Variants in PRDM16 observed in about 807,000 individuals in gnomAD.
PRDM16 encodes PR/SET domain 16.
Under a neutral mutation model 110.6 loss-of-function variants are expected in PRDM16, and 23 were observed. That is an observed-to-expected ratio of 0.21 (90% CI 0.15 to 0.29). PRDM16 has a LOEUF of 0.29. PRDM16 is among the 10% of genes least tolerant of loss of function. The probability of loss-of-function intolerance (pLI) is 1.00; values close to 1 mark genes in which losing one functional copy is unlikely to be tolerated. For missense variants in PRDM16, 1,615 were observed against 1,794.3 expected (o/e 0.90, Z 1.81); for synonymous variants, 799 against 781.8 (o/e 1.02, Z -0.37).
chr1:3,313,615 C>T (rs900778799), intron 3 of PRDM16, among the ~76,000 whole-genome samples: 7 of 152,246 alleles, frequency 4.6e-5, no homozygotes, highest in African/African-American at 7.2e-5. Flanking sequence ...CCCTCACCTG[C>T]GCCTGCGAGG....
At chr1:3,087,175 C>T (rs1570226913) in intron 1 of PRDM16, among the ~76,000 whole-genome samples, 1 of 148,408 alleles carries the variant, frequency 6.7e-6, no homozygotes, top group Non-Finnish European at 1.5e-5. Context: ...TGGTCAGCCC[C>T]ACCCGAGACC....
intron 1 of PRDM16, among the ~76,000 whole-genome samples, chr1:3,130,463 CAT>C (rs1349812441): frequency 6.6e-6 from 1 of 152,182 alleles, no homozygotes; most frequent in African/African-American, 2.4e-5. Flanking sequence ...GCTTTGGAAA[CAT>C]GTGGAGACCT....
intron 6 of PRDM16, 143 bp from the exon 7 acceptor site, chr1:3,404,596 G>A (rs1643528017): frequency 3.0e-6 from 3 of 1,003,406 alleles, no homozygotes; most frequent in Non-Finnish European, 1.4e-6. Flanking sequence ...AGGTGGGCAG[G>A]GAGACACCAG....
chr1:3,181,119 CACACGCAGTCTT>C lies in PRDM16; in HGVS notation c.38-4999_38-4988del, dbSNP rs1164906858. ...ACACGCAGTCTTACACGCGGCCTTA[CACACGCAGTCTT>C]ACACGCGGTCTTACACACGCAGTCT... On this transcript the variant is annotated intron_variant, in intron 1 of 16. Coordinates refer to ENST00000270722, the MANE Select transcript of PRDM16 (RefSeq NM_022114.4). Among the ~76,000 whole-genome samples, 39 of 138,332 alleles carry C rather than the reference CACACGCAGTCTT, an allele frequency of 2.8e-4. 2 individuals carry two copies. The East Asian group carries it at 3.7e-3, about 13-fold the overall frequency. 90.8% of individuals were successfully genotyped at this position (138,332 alleles called of 152,430 possible).
intron 1 of PRDM16, among the ~76,000 whole-genome samples, chr1:3,090,669 G>T (rs1384918981): frequency 6.6e-6 from 1 of 152,252 alleles, no homozygotes; most frequent in Non-Finnish European, 1.5e-5. Flanking sequence ...CTACTCCCCA[G>T]TCTGACACCA....
At chr1:3,174,140 C>T (rs888335871) in intron 1 of PRDM16, among the ~76,000 whole-genome samples, 15 of 152,178 alleles carry the variant, frequency 9.9e-5, no homozygotes, top group African/African-American at 3.6e-4. Flanking sequence ...AGTCCCCGCT[C>T]ACCTCTCCCA....
chr1:3,358,082 G>T lies in PRDM16; in HGVS notation c.439-27070G>T, dbSNP rs1296386709. 1.3e-5 allele frequency among the ~76,000 whole-genome samples: 2 copies of T among 152,238 alleles called. No homozygotes were observed. The highest frequency in any genetic ancestry group is 4.8e-5 in the African/African-American group (2 of 41,464). ...CCCTGGCTAACGGCGGTGCCCAGTG[G>T]CCTGGCCTCACGCGTGGGTCCATCC... On this transcript the variant is annotated intron_variant, in intron 3 of 16. Transcript: ENST00000270722. The surrounding 1 kb of genome is among the most constrained non-coding windows in gnomAD (Gnocchi z 4.0).
intron 3 of PRDM16, among the ~76,000 whole-genome samples, chr1:3,334,365 G>A (rs1475201865): frequency 6.6e-6 from 1 of 152,184 alleles, no homozygotes; most frequent in African/African-American, 2.4e-5. Context: ...AAAGGCCAGG[G>A]GGAGATGGCG....
intron 1 of PRDM16, among the ~76,000 whole-genome samples, chr1:3,106,488 C>T (rs1642658339): frequency 2.6e-5 from 4 of 152,206 alleles, no homozygotes; most frequent in Admixed American, 2.6e-4. Flanking sequence ...CTGGCTCACA[C>T]ACAGCGGGTA....
At chr1:3,389,618 T>C (rs1196879790) in intron 4 of PRDM16, among the ~76,000 whole-genome samples, 1 of 152,198 alleles carries the variant, frequency 6.6e-6, no homozygotes, top group East Asian at 1.9e-4. Flanking sequence ...CCGGCCCTGT[T>C]GCCCAAAAGG....
intron 3 of PRDM16, among the ~76,000 whole-genome samples, chr1:3,356,601 T>G (rs1446708127): frequency 6.6e-6 from 1 of 152,212 alleles, no homozygotes; most frequent in African/African-American, 2.4e-5. Context: ...GCGTTTGCTG[T>G]GTCTGGACGC....
chr1:3,132,685 C>T (rs1436585883), intron 1 of PRDM16, among the ~76,000 whole-genome samples: 4 of 152,252 alleles, frequency 2.6e-5, no homozygotes, highest in Admixed American at 2.0e-4. Flanking sequence ...GAAGTCAACA[C>T]CTCTGCCTCC....
rs1461879877 is a variant in PRDM16, at chr1:3,434,741, G to C, written c.*930G>C. 3 of 232,524 alleles carry C rather than the reference G, an allele frequency of 1.3e-5. No individual in the cohort carries two copies. In the East Asian group the frequency reaches 1.8e-4, roughly 14 times the overall value. 14.4% of individuals were successfully genotyped at this position (232,524 alleles called of 1,614,324 possible). On this transcript the variant is annotated 3_prime_UTR_variant, in exon 17 of 17. Coordinates refer to ENST00000270722, the MANE Select transcript of PRDM16 (RefSeq NM_022114.4). ...TGGGGAAGTCGAGGGCCTGTGGCTT[G>C]GATCCGCCATGCAGAGATGTGGCCG...
chr1:3,272,818 C>G (rs1640488596), intron 3 of PRDM16, among the ~76,000 whole-genome samples: 1 of 152,218 alleles, frequency 6.6e-6, no homozygotes, highest in East Asian at 1.9e-4. Flanking sequence ...CCTGTGCCCC[C>G]ACAGGGAGGG....
chr1:3,413,535 G>T (rs1643730300), intron 9 of PRDM16, among the ~76,000 whole-genome samples: 1 of 151,162 alleles, frequency 6.6e-6, no homozygotes, highest in Non-Finnish European at 1.5e-5. Context: ...TGGGGAGGGG[G>T]TCCTACCCCC....
intron 4 of PRDM16, chr1:3,394,453 C>T (rs1433214571): frequency 2.7e-5 from 12 of 442,408 alleles, no homozygotes; most frequent in Non-Finnish European, 4.9e-5. Context: ...CCCGAGGTCT[C>T]ACGTCAGGAC....
intron 1 of PRDM16, among the ~76,000 whole-genome samples, chr1:3,152,765 G>C (rs981691439): frequency 6.6e-6 from 1 of 152,210 alleles, no homozygotes; most frequent in Admixed American, 6.5e-5. Context: ...CAGCCATAGC[G>C]TGGGTCCTTG....
intron 1 of PRDM16, among the ~76,000 whole-genome samples, chr1:3,154,377 G>C (rs1643827550): frequency 6.6e-6 from 1 of 152,186 alleles, no homozygotes; most frequent in Non-Finnish European, 1.5e-5. Context: ...TGTCGCTGTG[G>C]CAGCTTTGCA....
chr1:3,091,082 C>A (rs1642265658), intron 1 of PRDM16, among the ~76,000 whole-genome samples: 1 of 152,256 alleles, frequency 6.6e-6, no homozygotes, highest in Non-Finnish European at 1.5e-5. Flanking sequence ...GACGGGGCTT[C>A]TTCTCTAAAT....
Sources: allele counts gnomAD v4.1 joint callset (sites outside exome capture counted in the v4.1 genomes callset), GRCh38; gene constraint gnomAD v4.1.1; non-coding constraint Gnocchi (gnomAD v3.1); transcripts MANE v1.5; gene names NCBI Gene and HGNC (gene_info 2026-07-23, HGNC 2026-07-21).